Variants in SMARCAL1 observed in about 807,000 individuals in gnomAD.
SMARCAL1 encodes the protein ATP-driven annealing helicase.
SMARCAL1 carries 58 observed loss-of-function variants against 94.5 expected under a neutral mutation model. That is an observed-to-expected ratio of 0.61 (90% CI 0.50 to 0.76). The LOEUF is 0.76. SMARCAL1 is among the 30% of genes least tolerant of loss of function. The pLI is 0.00. For missense variants in SMARCAL1, 1,051 were observed against 1,177.9 expected (o/e 0.89, Z 1.58); for synonymous variants, 422 against 455.1 (o/e 0.93, Z 0.93).
At chr2:216,476,766 T>C (rs1017445960) in intron 15 of SMARCAL1, among the ~76,000 whole-genome samples, 1 of 152,222 alleles carries the variant, frequency 6.6e-6, no homozygotes, top group Non-Finnish European at 1.5e-5. Flanking sequence ...CAGGCCTCCA[T>C]CACCAGCCCC....
chr2:216,417,604 A>G (rs1693629369), intron 4 of SMARCAL1, among the ~76,000 whole-genome samples: 1 of 152,162 alleles, frequency 6.6e-6, no homozygotes, highest in African/African-American at 2.4e-5. Flanking sequence ...TCCATATACA[A>G]TCACATTCTG....
intron 12 of SMARCAL1, among the ~76,000 whole-genome samples, chr2:216,461,141 A>T (rs1694691644): frequency 6.6e-6 from 1 of 151,618 alleles, no homozygotes; most frequent in Non-Finnish European, 1.5e-5. Flanking sequence ...CATTAAGGTA[A>T]TGAGCATTGG....
At chr2:216,452,382 T>C (rs1694468881) in intron 12 of SMARCAL1, among the ~76,000 whole-genome samples, 1 of 152,222 alleles carries the variant, frequency 6.6e-6, no homozygotes, top group African/African-American at 2.4e-5. Flanking sequence ...TGGTGAACTC[T>C]ACCAGACAAG....
At chr2:216,459,260 C>A (rs551682938) in intron 12 of SMARCAL1, among the ~76,000 whole-genome samples, 1 of 152,260 alleles carries the variant, frequency 6.6e-6, no homozygotes, top group East Asian at 1.9e-4. Context: ...CCATACTGCC[C>A]AGGGTAATTT....
intron 11 of SMARCAL1, among the ~76,000 whole-genome samples, chr2:216,449,208 C>G (rs959758375): frequency 2.0e-5 from 3 of 152,216 alleles, no homozygotes; most frequent in Non-Finnish European, 4.4e-5. Context: ...ATGACCTTAT[C>G]TACCTCCCAA....
intron 16 of SMARCAL1, 106 bp from the exon 17 acceptor site, chr2:216,478,097 C>G (rs547511668): frequency 1.1e-6 from 1 of 940,756 alleles, no homozygotes; most frequent in Non-Finnish European, 1.8e-6. Context: ...GATGTGAAAC[C>G]GTAAACAAGC....
At chr2:216,447,222 C>T in intron 11 of SMARCAL1, 64 bp downstream of exon 11, 3 of 1,544,864 alleles carry the variant, frequency 1.9e-6, no homozygotes, top group Non-Finnish European at 1.8e-6. Context: ...ACTTATCTTT[C>T]TCTTCCTTCT....
At chr2:216,477,550 G>T (rs779923074) in intron 16 of SMARCAL1, among the ~76,000 whole-genome samples, 1 of 152,190 alleles carries the variant, frequency 6.6e-6, no homozygotes, top group Non-Finnish European at 1.5e-5. Flanking sequence ...GAAGGCATTT[G>T]TTAGGACAGG....
intron 2 of SMARCAL1, chr2:216,414,372 G>C (rs1693536095): frequency 3.1e-6 from 1 of 326,132 alleles, no homozygotes; most frequent in Admixed American, 4.6e-5. Context: ...GGCCAGGCTG[G>C]TCTCAAACTC....
At chr2:216,472,892 G>T (rs1320362250) in intron 14 of SMARCAL1, among the ~76,000 whole-genome samples, 2 of 152,126 alleles carry the variant, frequency 1.3e-5, no homozygotes, top group East Asian at 3.8e-4. Flanking sequence ...TTATTGGAAA[G>T]CAATTTGGCA....
At chr2:216,443,929 T>C (rs1694252426) in intron 10 of SMARCAL1, among the ~76,000 whole-genome samples, 1 of 152,224 alleles carries the variant, frequency 6.6e-6, no homozygotes, top group Non-Finnish European at 1.5e-5. Flanking sequence ...ATGTCAAGCT[T>C]TTCTTTTTGC....
chr2:216,477,907 G>A (rs1475440232), intron 16 of SMARCAL1, among the ~76,000 whole-genome samples: 1 of 152,016 alleles, frequency 6.6e-6, no homozygotes, highest in Non-Finnish European at 1.5e-5. Context: ...TGTTAATTGG[G>A]CAGCTCATAA....
chr2:216,428,016 A>T (rs1016144246), intron 6 of SMARCAL1, among the ~76,000 whole-genome samples: 7 of 152,230 alleles, frequency 4.6e-5, no homozygotes, highest in African/African-American at 1.4e-4. Flanking sequence ...TGACTCCCAG[A>T]GTGCCCTTGA....
intron 14 of SMARCAL1, among the ~76,000 whole-genome samples, chr2:216,474,128 CTTTTTTTTTTTTTTTT>C (rs1182416023): frequency 1.5e-5 from 1 of 64,894 alleles, no homozygotes; most frequent in South Asian, 7.7e-4. Context: ...GTATAGCATT[CTTTTTTTTTTTTTTTT>C]TTTTTTTTTT....
Position 216,475,314 on chromosome 2 carries a change from C to G in SMARCAL1, c.2290C>G (p.Arg764Gly). Residue 764 changes from arginine (R) to glycine (G), a missense_variant, in exon 15 of 18, where the codon CGG (arginine) becomes GGG (glycine). Arg to Gly is a moderately radical substitution (Grantham distance 125). This residue lies in a region of SMARCAL1 where 642 missense variants were observed against 754.7 expected (regional missense o/e 0.85). Transcript: ENST00000357276. The surrounding 1 kb of genome is among the most constrained non-coding windows in gnomAD (Gnocchi z 4.4). ...RIDGSTSSAE[R>G]EDLCQQFQLS... Reference sequence around the variant, plus strand: ...CGATGGCTCCACCTCATCAGCTGAGCGGGAGGACCTGTGCCAGCAGTTCCA... The same window carrying G: ...CGATGGCTCCACCTCATCAGCTGAGGGGGAGGACCTGTGCCAGCAGTTCCA... The G allele has an allele frequency of 1.2e-6, 2 of 1,614,198 alleles. No individual in the cohort carries two copies. Among genetic ancestry groups the G allele is most frequent in the Non-Finnish European group, 8.5e-7 (1 of 1,180,032 alleles).
At chr2:216,417,490 A>T (rs1693627587) in intron 4 of SMARCAL1, among the ~76,000 whole-genome samples, 1 of 152,150 alleles carries the variant, frequency 6.6e-6, no homozygotes. Flanking sequence ...TTGTGTGTGC[A>T]AATCCCTAGG....
chr2:216,427,334 G>A (rs984972388), intron 6 of SMARCAL1: 1 of 152,188 alleles, frequency 6.6e-6, no homozygotes, highest in Non-Finnish European at 1.5e-5. Flanking sequence ...GTTGGTAGGA[G>A]ACAGAGTAGA....
At chr2:216,434,310 G>C (rs1002468987) in intron 8 of SMARCAL1, among the ~76,000 whole-genome samples, 3 of 152,138 alleles carry the variant, frequency 2.0e-5, no homozygotes, top group African/African-American at 4.8e-5. Flanking sequence ...GGTGGGTTTG[G>C]CTAGAGATGC....
chr2:216,471,431 A>G (rs1056031321), intron 14 of SMARCAL1, among the ~76,000 whole-genome samples: 2 of 149,818 alleles, frequency 1.3e-5, no homozygotes, highest in Non-Finnish European at 2.9e-5. Flanking sequence ...ATCTCAGCTG[A>G]CTGCAACCTT....
Sources: allele counts gnomAD v4.1 joint callset (sites outside exome capture counted in the v4.1 genomes callset), GRCh38; gene constraint gnomAD v4.1.1; regional missense constraint gnomAD v4.1.1; non-coding constraint Gnocchi (gnomAD v3.1); transcripts MANE v1.5; gene names NCBI Gene and HGNC (gene_info 2026-07-23, HGNC 2026-07-21).